The following P4HA1 variants were observed in gnomAD, a reference collection of about 807,000 sequenced individuals.
P4HA1 encodes the protein prolyl 4-hydroxylase subunit alpha 1.
Under a neutral mutation model 72.8 loss-of-function variants are expected in P4HA1, and 24 were observed. The observed-to-expected ratio is 0.33, with a 90% CI of 0.24 to 0.46. The LOEUF is 0.46. Ranked by LOEUF, P4HA1 falls within the 20% of genes least tolerant of loss-of-function variation. The pLI is 1.00. For synonymous variants in P4HA1, 201 were observed against 218.8 expected (o/e 0.92, Z 0.72); for missense variants, 446 against 640.6 (o/e 0.70, Z 3.28).
At chr10:73,095,337 T>C (rs750052868) in intron 1 of P4HA1, among the ~76,000 whole-genome samples, 3 of 151,884 alleles carry the variant, frequency 2.0e-5, no homozygotes, top group Non-Finnish European at 4.4e-5. Context: ...TATATCGTCT[T>C]AGGATACCGA....
intron 1 of P4HA1, among the ~76,000 whole-genome samples, chr10:73,089,080 A>G (rs1012775629): frequency 3.9e-5 from 6 of 152,230 alleles, no homozygotes; most frequent in African/African-American, 1.4e-4. Context: ...GTTTGAGAAG[A>G]GTAGGTATCT....
chr10:73,056,214 G>A (rs191352754), intron 5 of P4HA1, among the ~76,000 whole-genome samples: 3 of 152,252 alleles, frequency 2.0e-5, no homozygotes, highest in East Asian at 3.9e-4. Context: ...AGCTAAAAGC[G>A]AGGAAATAAG....
chr10:73,082,530 A>G (rs1056499614), intron 1 of P4HA1: 3 of 152,198 alleles, frequency 2.0e-5, no homozygotes, highest in African/African-American at 7.2e-5. Context: ...GAGTGCAGAA[A>G]AAACAAAGAA....
intron 11 of P4HA1, among the ~76,000 whole-genome samples, chr10:73,016,182 C>T (rs1276043811): frequency 6.6e-6 from 1 of 152,166 alleles, no homozygotes; most frequent in Non-Finnish European, 1.5e-5. Context: ...GGTTCTTCAT[C>T]TTCCACTATC....
intron 10 of P4HA1, among the ~76,000 whole-genome samples, chr10:73,025,070 A>G (rs1328405529): frequency 2.6e-5 from 4 of 152,248 alleles, no homozygotes; most frequent in Admixed American, 2.6e-4. Flanking sequence ...AGGAGCTGGT[A>G]CCATTCCTTC....
intron 10 of P4HA1, among the ~76,000 whole-genome samples, chr10:73,019,879 G>GA (rs1177424721): frequency 2.0e-5 from 3 of 151,684 alleles, no homozygotes; most frequent in African/African-American, 7.3e-5. Context: ...AAACAATAAT[G>GA]AAAAAGGATA....
At position 73,041,539 on chromosome 10, in the gene P4HA1, TC is replaced by T. The variant is rs773389649; in HGVS notation, c.1148+3441del. ...CTGGGGGCGACAGAGCAAGACTCCA[TC>T]CCCCCCCCAAAAAAAAAAAAAAAGA... On this transcript the variant is annotated intron_variant, in intron 9 of 14. Transcript: ENST00000394890. 3.6e-3 allele frequency among the ~76,000 whole-genome samples: 339 copies of T among 95,464 alleles called. 2 individuals carry two copies. The highest frequency in any genetic ancestry group is 0.011 in the African/African-American group (217 of 19,958). 62.6% of individuals were successfully genotyped at this position (95,464 alleles called of 152,430 possible). A position where few individuals can be genotyped will look rare whatever the true frequency, so the allele number is the denominator to read the frequency against.
chr10:73,028,588 C>G (rs11498023), intron 10 of P4HA1, among the ~76,000 whole-genome samples: 2 of 152,020 alleles, frequency 1.3e-5, no homozygotes, highest in Admixed American at 6.5e-5. Context: ...TGTGCCACCA[C>G]GCCCAGCTAA....
Position 73,078,891 on chromosome 10 carries a change from C to T in P4HA1, c.-32-3976G>A, listed in dbSNP as rs1454456156. 3.9e-5 allele frequency among the ~76,000 whole-genome samples: 6 copies of T among 152,170 alleles called. No individual in the cohort carries two copies. In the South Asian group the frequency reaches 1.0e-3, roughly 26 times the overall value. ...CCTCCTAAAGTGCTGGGATTACAGG[C>T]GTGAGCCACCGCGCCCGGCTGGTAA... On this transcript the variant is annotated intron_variant, in intron 1 of 14. Transcript: ENST00000394890.
At chr10:73,088,450 A>G (rs1470139198) in intron 1 of P4HA1, among the ~76,000 whole-genome samples, 1 of 152,210 alleles carries the variant, frequency 6.6e-6, no homozygotes, top group African/African-American at 2.4e-5. Context: ...AGTTGAAACC[A>G]TGTAAATACC....
In P4HA1 at chr10:73,011,101, TA is replaced by T. The variant is rs1157061106; in HGVS notation, c.1369-65del. The T allele has an allele frequency of 5.0e-6, 6 of 1,194,180 alleles. No individual in the cohort carries two copies. In the African/African-American group the frequency reaches 6.1e-5, roughly 12 times the overall value. The allele number at this position is 1,194,180 out of a possible 1,614,324, so 74.0% of individuals were successfully genotyped here. A position where few individuals can be genotyped will look rare whatever the true frequency, so the allele number is the denominator to read the frequency against. On this transcript the variant is annotated intron_variant, in intron 12 of 14. Transcript: ENST00000394890. ...GAATAAAGTAAAACATGCCATTATATAGACTTGATATTGGATACTAGAATAT... is the reference window on the plus strand; with the variant it reads ...GAATAAAGTAAAACATGCCATTATATGACTTGATATTGGATACTAGAATAT...
chr10:73,084,636 G>GT (rs1841890068), intron 1 of P4HA1, among the ~76,000 whole-genome samples: 1 of 151,996 alleles, frequency 6.6e-6, no homozygotes, highest in Non-Finnish European at 1.5e-5. Context: ...TTATATAGCA[G>GT]TTATACTACT....
intron 1 of P4HA1, among the ~76,000 whole-genome samples, chr10:73,086,383 T>C (rs1187777315): frequency 6.6e-6 from 1 of 152,232 alleles, no homozygotes; most frequent in Non-Finnish European, 1.5e-5. Context: ...ATAACACAAA[T>C]GAACCTTGAA....
At chr10:73,052,998 C>T (rs1364224534) in intron 6 of P4HA1, among the ~76,000 whole-genome samples, 1 of 152,176 alleles carries the variant, frequency 6.6e-6, no homozygotes, top group Non-Finnish European at 1.5e-5. Flanking sequence ...TTTTAAATCA[C>T]TTTATTTTAA....
intron 4 of P4HA1, among the ~76,000 whole-genome samples, chr10:73,070,692 A>C (rs1364486078): frequency 2.6e-5 from 4 of 152,232 alleles, no homozygotes; most frequent in Non-Finnish European, 5.9e-5. Flanking sequence ...TTTTACAAGC[A>C]AGTTTTATAA....
intron 5 of P4HA1, among the ~76,000 whole-genome samples, chr10:73,068,645 A>G (rs1274966750): frequency 6.6e-6 from 1 of 152,208 alleles, no homozygotes; most frequent in Non-Finnish European, 1.5e-5. Flanking sequence ...TTTCAGAGTA[A>G]CAAGCTAGAA....
At chr10:73,070,408 C>G (rs1022167883) in intron 4 of P4HA1, among the ~76,000 whole-genome samples, 1 of 152,000 alleles carries the variant, frequency 6.6e-6, no homozygotes, top group Admixed American at 6.6e-5. Context: ...CTGCCAGCCT[C>G]AGCCTCCCAA....
rs934943724 is a variant in P4HA1, at chr10:73,026,529, T to C, written c.1248+3742A>G. Among the ~76,000 whole-genome samples the C allele has an allele frequency of 7.9e-5, 12 of 152,118 alleles. 1 individual carries two copies. On this transcript the variant is annotated intron_variant, in intron 10 of 14. Transcript: ENST00000394890. Reference sequence around the variant, plus strand: ...TAGAAGAAAACCTAGGCAATACCATTCAGGACATAGGCATGGGCAAGGACT... The same window carrying C: ...TAGAAGAAAACCTAGGCAATACCATCCAGGACATAGGCATGGGCAAGGACT...
At chr10:73,036,255 G>GT (rs2133071271) in intron 9 of P4HA1, among the ~76,000 whole-genome samples, 1 of 150,024 alleles carries the variant, frequency 6.7e-6, no homozygotes, top group East Asian at 1.9e-4. Context: ...TTGATTGTAG[G>GT]TTAAAAAAAA....
Sources: gnomAD v4.1 joint callset for allele counts (sites outside exome capture counted in the v4.1 genomes callset) on GRCh38, gnomAD v4.1.1 for gene constraint, MANE v1.5 for transcripts, NCBI Gene and HGNC (gene_info 2026-07-23, HGNC 2026-07-21) for gene names.